Variants in SIPA1L1 observed in about 807,000 individuals in gnomAD.
SIPA1L1 encodes signal induced proliferation associated 1 like 1.
In SIPA1L1, 26 loss-of-function variants were observed where a neutral mutation model predicts 162.7. That is an observed-to-expected ratio of 0.16 (90% CI 0.12 to 0.22). The LOEUF is 0.22. SIPA1L1 is among the 10% of genes least tolerant of loss of function. The probability of loss-of-function intolerance (pLI) is 1.00; values close to 1 mark genes in which losing one functional copy is unlikely to be tolerated. For synonymous variants in SIPA1L1, 829 were observed against 837.4 expected, an observed-to-expected ratio of 0.99 and a Z score of 0.17; for missense variants, 1,874 against 2,241.0, an observed-to-expected ratio of 0.84 and a Z score of 3.31.
chr14:71,434,601 C>T (rs1450477200), intron 2 of SIPA1L1, among the ~76,000 whole-genome samples: 1 of 152,090 alleles, frequency 6.6e-6, no homozygotes, highest in Non-Finnish European at 1.5e-5. Flanking sequence ...TTGTTTGAGA[C>T]AGGGTCTTGC....
chr14:71,437,593 C>T (rs533675117), intron 2 of SIPA1L1, among the ~76,000 whole-genome samples: 16 of 152,154 alleles, frequency 1.1e-4, no homozygotes, highest in East Asian at 9.7e-4. Flanking sequence ...AACTCCTAGC[C>T]TCAAGTGATC....
rs2034797077 is a variant in SIPA1L1 at position 71,587,826 on chromosome 14, TATG to T, written c.-43_-41del. ...GGGAAGTGCACATTTAAAACACAGA[TATG>T]ATGGTCCTTGCTGCAGGGATTTAAG... On this transcript the variant is annotated 5_prime_UTR_variant, in exon 5 of 24. The change abolishes an upstream ATG in the 5' untranslated region. Transcript: ENST00000381232. The T allele has an allele frequency of 1.9e-6, 3 of 1,543,242 alleles. No homozygotes were observed. The South Asian group carries it at 3.6e-5, about 19-fold the overall frequency.
chr14:71,669,943 A>G (rs1196466085), intron 10 of SIPA1L1, among the ~76,000 whole-genome samples: 8 of 152,248 alleles, frequency 5.3e-5, no homozygotes, highest in Non-Finnish European at 7.4e-5. Flanking sequence ...CTTAAAGCAA[A>G]CCCTTCCTAA....
At chr14:71,325,089 A>T (rs1281321482) in intron 2 of SIPA1L1, among the ~76,000 whole-genome samples, 1 of 152,192 alleles carries the variant, frequency 6.6e-6, no homozygotes, top group Non-Finnish European at 1.5e-5. Flanking sequence ...GCCATTGCTC[A>T]CACAGAAGTT....
intron 13 of SIPA1L1, among the ~76,000 whole-genome samples, chr14:71,686,156 C>T (rs547912446): frequency 1.3e-4 from 20 of 152,250 alleles, no homozygotes; most frequent in African/African-American, 3.6e-4. Context: ...GAAGACGATA[C>T]GTGGAGATAC....
chr14:71,415,702 A>T (rs1012488313), intron 2 of SIPA1L1, among the ~76,000 whole-genome samples: 8 of 144,410 alleles, frequency 5.5e-5, no homozygotes, highest in Admixed American at 1.4e-4. Context: ...TGTCTTAATT[A>T]TTTTTTTTTT....
intron 4 of SIPA1L1, among the ~76,000 whole-genome samples, chr14:71,540,801 A>G (rs1007321755): frequency 6.6e-6 from 1 of 152,086 alleles, no homozygotes; most frequent in Non-Finnish European, 1.5e-5. Flanking sequence ...ATACAGTGAA[A>G]AGAAAGCCAA....
intron 7 of SIPA1L1, among the ~76,000 whole-genome samples, chr14:71,643,996 C>T (rs931313942): frequency 3.3e-5 from 5 of 152,014 alleles, no homozygotes; most frequent in East Asian, 3.9e-4. Flanking sequence ...TTAGTAGAGA[C>T]GGGATTTCAC....
intron 4 of SIPA1L1, among the ~76,000 whole-genome samples, chr14:71,555,031 A>G (rs895638480): frequency 2.0e-5 from 3 of 152,166 alleles, no homozygotes; most frequent in African/African-American, 7.2e-5. Context: ...CTTAAAGCAT[A>G]CTTAAGGGCC....
intron 2 of SIPA1L1, among the ~76,000 whole-genome samples, chr14:71,334,530 G>T (rs546016702): frequency 6.6e-6 from 1 of 152,176 alleles, no homozygotes; most frequent in African/African-American, 2.4e-5. Context: ...TTCATTTTGT[G>T]TAGAACCATA....
chr14:71,645,671 G>A (rs2042093374), intron 7 of SIPA1L1, among the ~76,000 whole-genome samples: 1 of 152,196 alleles, frequency 6.6e-6, no homozygotes, highest in Non-Finnish European at 1.5e-5. Context: ...GAAAAAGAAT[G>A]CAAGGAGTGC....
chr14:71,520,120 A>T (rs1368728927), intron 3 of SIPA1L1, among the ~76,000 whole-genome samples: 1 of 152,050 alleles, frequency 6.6e-6, no homozygotes, highest in African/African-American at 2.4e-5. Context: ...GAAAAAACAA[A>T]TTTTTTTTAA....
At chr14:71,345,801 C>G (rs2036105286) in intron 2 of SIPA1L1, among the ~76,000 whole-genome samples, 1 of 152,104 alleles carries the variant, frequency 6.6e-6, no homozygotes, top group Non-Finnish European at 1.5e-5. Flanking sequence ...ACCTCCTGAC[C>G]TCGTGATCCG....
At chr14:71,428,499 C>T (rs950120603) in intron 2 of SIPA1L1, among the ~76,000 whole-genome samples, 2 of 151,848 alleles carry the variant, frequency 1.3e-5, no homozygotes, top group Non-Finnish European at 2.9e-5. Flanking sequence ...GCACCTTTCC[C>T]TGACCATGCA....
intron 2 of SIPA1L1, among the ~76,000 whole-genome samples, chr14:71,477,465 T>A (rs1359118911): frequency 1.3e-5 from 2 of 152,188 alleles, no homozygotes; most frequent in Admixed American, 6.5e-5. Flanking sequence ...GTCATTTATG[T>A]GGAAGTATAG....
chr14:71,572,184 G>C (rs2032196085), intron 4 of SIPA1L1, among the ~76,000 whole-genome samples: 1 of 152,124 alleles, frequency 6.6e-6, no homozygotes, highest in Non-Finnish European at 1.5e-5. Flanking sequence ...ATTAATCTGT[G>C]ACTGGATTAA....
intron 12 of SIPA1L1, among the ~76,000 whole-genome samples, chr14:71,676,669 C>A (rs977100550): frequency 2.2e-5 from 3 of 133,564 alleles, no homozygotes; most frequent in Non-Finnish European, 4.6e-5. Flanking sequence ...TGTTCCCCTT[C>A]CTGTGTCCAA....
At chr14:71,569,932 T>C (rs1236166512) in intron 4 of SIPA1L1, among the ~76,000 whole-genome samples, 3 of 152,200 alleles carry the variant, frequency 2.0e-5, no homozygotes, top group African/African-American at 4.8e-5. Flanking sequence ...GCATGTCTCA[T>C]TGGCTGAGGG....
At chr14:71,567,797 T>C (rs1002786519) in intron 4 of SIPA1L1, among the ~76,000 whole-genome samples, 2 of 150,540 alleles carry the variant, frequency 1.3e-5, no homozygotes, top group Non-Finnish European at 3.0e-5. Context: ...CTTATAGTTA[T>C]TTCTTGATTA....
Sources: allele counts gnomAD v4.1 joint callset (sites outside exome capture counted in the v4.1 genomes callset), GRCh38; gene constraint gnomAD v4.1.1; transcripts MANE v1.5; gene names NCBI Gene and HGNC (gene_info 2026-07-23, HGNC 2026-07-21).